The following KCNG2 variants were observed in gnomAD, a reference collection of about 807,000 sequenced individuals.
The protein encoded by KCNG2 is potassium voltage-gated channel modifier subfamily G member 2.
KCNG2 carries 7 observed loss-of-function variants against 12.3 expected under a neutral mutation model. That is an observed-to-expected ratio of 0.57 (90% CI 0.32 to 1.07). The LOEUF (loss-of-function observed/expected upper bound fraction) is 1.07, where lower values mean the gene tolerates loss of function less well. Ranked by LOEUF, KCNG2 falls within the 50% of genes least tolerant of loss-of-function variation. The pLI is 0.04. For synonymous variants in KCNG2, 414 were observed against 351.4 expected (o/e 1.18, Z -1.99); for missense variants, 703 against 726.0 (o/e 0.97, Z 0.36).
intron 3 of KCNG2, among the ~76,000 whole-genome samples, chr18:79,881,814 C>A (rs1447562123): frequency 6.6e-6 from 1 of 152,340 alleles, no homozygotes; most frequent in South Asian, 2.1e-4. Context: ...CTGACACTGC[C>A]TGCTTTCACG....
chr18:79,826,464 C>G (rs1978286083), intron 1 of KCNG2, among the ~76,000 whole-genome samples: 8 of 151,334 alleles, frequency 5.3e-5, no homozygotes. Flanking sequence ...TACGTCATTA[C>G]GTTCAGTGAA....
At chr18:79,841,203 C>G (rs1469927949) in intron 1 of KCNG2, among the ~76,000 whole-genome samples, 1 of 152,094 alleles carries the variant, frequency 6.6e-6, no homozygotes, top group Non-Finnish European at 1.5e-5. Flanking sequence ...CCTGGGAGAT[C>G]AAGGTTGCAA....
chr18:79,806,184 G>A (rs1005879827), intron 1 of KCNG2, among the ~76,000 whole-genome samples: 2 of 152,224 alleles, frequency 1.3e-5, no homozygotes, highest in Non-Finnish European at 2.9e-5. Flanking sequence ...TCCAGCCCAC[G>A]AAGCTCACAT....
At chr18:79,851,649 GTGAA>G (rs904637640) in intron 1 of KCNG2, among the ~76,000 whole-genome samples, 3 of 152,082 alleles carry the variant, frequency 2.0e-5, no homozygotes, top group African/African-American at 4.8e-5. Context: ...GCAAGTGTGA[GTGAA>G]TGTGTGTGAA....
At chr18:79,876,761 G>A (rs769317694) in intron 3 of KCNG2, among the ~76,000 whole-genome samples, 4 of 152,220 alleles carry the variant, frequency 2.6e-5, no homozygotes, top group South Asian at 2.1e-4. Flanking sequence ...GGCACCAGCC[G>A]TGCCAGGCCC....
chr18:79,899,513 C>T lies in KCNG2; in HGVS notation c.1098C>T (p.Ser366=). 1 of 1,607,524 alleles carries T rather than the reference C, an allele frequency of 6.2e-7. No homozygotes were observed. The highest frequency in any genetic ancestry group is 8.5e-7 in the Non-Finnish European group (1 of 1,177,784). ...VPASYWWAVI[S]MTTVGYGDMV... ...CCAGCTATTGGTGGGCCGTCATCTC[C>T]ATGACCACCGTGGGCTACGGCGACA... Residue 366 remains serine, a synonymous_variant, in exon 4 of 4, where the codon TCC becomes TCT. Transcript: ENST00000316249.
intron 1 of KCNG2, among the ~76,000 whole-genome samples, chr18:79,852,515 C>A (rs1447733932): frequency 6.6e-6 from 1 of 152,274 alleles, no homozygotes; most frequent in Non-Finnish European, 1.5e-5. Context: ...CCCCTGCACT[C>A]GCAGAGAGCA....
At chr18:79,820,781 T>C (rs2087564549) in intron 1 of KCNG2, among the ~76,000 whole-genome samples, 2 of 152,104 alleles carry the variant, frequency 1.3e-5, no homozygotes, top group East Asian at 3.9e-4. Flanking sequence ...CTGGAGCAGC[T>C]GGGACTCCAG....
At chr18:79,867,529 G>T (rs1463825882) in intron 3 of KCNG2, among the ~76,000 whole-genome samples, 1 of 123,100 alleles carries the variant, frequency 8.1e-6, no homozygotes, top group Non-Finnish European at 1.7e-5. Flanking sequence ...TCGTGTCTGG[G>T]GGGGGACCGT....
chr18:79,874,257 G>A (rs1979978217), intron 3 of KCNG2, among the ~76,000 whole-genome samples: 1 of 152,230 alleles, frequency 6.6e-6, no homozygotes, highest in East Asian at 1.9e-4. Flanking sequence ...ATCAGTCATA[G>A]AAAACTTAAT....
At chr18:79,885,738 C>G (rs1464690894) in intron 3 of KCNG2, among the ~76,000 whole-genome samples, 3 of 151,842 alleles carry the variant, frequency 2.0e-5, no homozygotes, top group Admixed American at 1.3e-4. Flanking sequence ...ACCGGGGACA[C>G]GAGGGAGATG....
At position 79,852,567 on chromosome 18, in the gene KCNG2, T is replaced by C. The variant is rs76106717; in HGVS notation, c.-114-3812T>C. On this transcript the variant is annotated intron_variant, in intron 1 of 3. Coordinates refer to ENST00000316249, the MANE Select transcript of KCNG2 (RefSeq NM_012283.2). ...ACTGGGAGCCCAGTTCCAGCCTCCT[T>C]TGAGGTGCCTGGGACCACTTGGGCT... Among the ~76,000 whole-genome samples the C allele has an allele frequency of 5.4e-4, 82 of 152,356 alleles. No individual in the cohort carries two copies. In the East Asian group the frequency reaches 0.014, roughly 26 times the overall value.
chr18:79,831,715 C>T (rs1018595425), intron 1 of KCNG2, among the ~76,000 whole-genome samples: 1 of 67,758 alleles, frequency 1.5e-5, no homozygotes, highest in Non-Finnish European at 3.1e-5. Flanking sequence ...GGGTTCCCTG[C>T]GGACAGAGCC....
intron 3 of KCNG2, among the ~76,000 whole-genome samples, chr18:79,875,642 G>A (rs543591172): frequency 9.2e-5 from 14 of 152,296 alleles, no homozygotes; most frequent in South Asian, 4.1e-4. Context: ...CGGCAGCACC[G>A]CAGACCCTGG....
intron 1 of KCNG2, among the ~76,000 whole-genome samples, chr18:79,834,562 C>T (rs907803995): frequency 1.3e-5 from 2 of 152,156 alleles, no homozygotes; most frequent in Non-Finnish European, 1.5e-5. Flanking sequence ...CTCTGGGAGC[C>T]CACGCTATTT....
At chr18:79,798,583 C>T (rs913496738) in intron 1 of KCNG2, among the ~76,000 whole-genome samples, 2 of 152,222 alleles carry the variant, frequency 1.3e-5, no homozygotes, top group Admixed American at 6.5e-5. Context: ...CTCGGACACA[C>T]GGCCGCACCC....
intron 3 of KCNG2, among the ~76,000 whole-genome samples, chr18:79,868,968 G>T (rs1429094804): frequency 1.3e-5 from 2 of 152,240 alleles, no homozygotes; most frequent in Non-Finnish European, 2.9e-5. Flanking sequence ...TGAGCTCTCT[G>T]ATGGGATGTG....
At chr18:79,823,261 G>A (rs2087585679) in intron 1 of KCNG2, among the ~76,000 whole-genome samples, 1 of 152,210 alleles carries the variant, frequency 6.6e-6, no homozygotes, top group Admixed American at 6.5e-5. Flanking sequence ...CTTGCTCTGT[G>A]CGGGCACTGG....
intron 1 of KCNG2, among the ~76,000 whole-genome samples, chr18:79,853,391 G>C (rs1428008860): frequency 6.6e-6 from 1 of 152,170 alleles, no homozygotes; most frequent in East Asian, 1.9e-4. Flanking sequence ...GTCACCGTAG[G>C]CGTCACTGAG....
Sources: allele counts gnomAD v4.1 joint callset (sites outside exome capture counted in the v4.1 genomes callset), GRCh38; gene constraint gnomAD v4.1.1; transcripts MANE v1.5; gene names NCBI Gene and HGNC (gene_info 2026-07-23, HGNC 2026-07-21).